Variants in HMGCLL1 observed in about 807,000 individuals in gnomAD.
HMGCLL1 encodes 3-hydroxymethyl-3-methylglutaryl-CoA lyase, cytoplasmic.
A neutral mutation model predicts 39.1 loss-of-function variants in HMGCLL1; 36 were observed. The observed-to-expected ratio is 0.92, with a 90% CI of 0.71 to 1.22. HMGCLL1 has a LOEUF of 1.22. Among genes scored for constraint, HMGCLL1 ranks in the 50% most tolerant of loss-of-function variants. The pLI is 0.00. For synonymous variants in HMGCLL1, 149 were observed against 144.0 expected, an observed-to-expected ratio of 1.03 and a Z score of -0.25; for missense variants, 451 against 416.5, an observed-to-expected ratio of 1.08 and a Z score of -0.72.
chr6:55,494,297 A>T (rs773755569), intron 7 of HMGCLL1, among the ~76,000 whole-genome samples: 2 of 151,616 alleles, frequency 1.3e-5, no homozygotes, highest in Non-Finnish European at 2.9e-5. Context: ...AATATAGAAG[A>T]TATATTCATA....
the HMGCLL1 span, among the ~76,000 whole-genome samples, chr6:55,601,211 G>A: frequency 3.3e-5 from 5 of 152,106 alleles, no homozygotes; most frequent in Admixed American, 6.6e-5. Context: ...GGATGGTGCT[G>A]CTCATTTGAG....
At chr6:55,480,306 G>GA (rs1472534619) in intron 7 of HMGCLL1, among the ~76,000 whole-genome samples, 3 of 151,202 alleles carry the variant, frequency 2.0e-5, no homozygotes, top group African/African-American at 7.3e-5. Flanking sequence ...ACCAAAAATG[G>GA]AAAAAAGATC....
In HMGCLL1 at chr6:55,461,189, T is replaced by C. The variant is rs545007076; in HGVS notation, c.796-21630A>G. On this transcript the variant is annotated intron_variant, in intron 7 of 8. Transcript: ENST00000274901. Reference sequence around the variant, plus strand: ...ATGATCTACTATTTATTTTTTTTAGTAATCTAGACCGTCATCTAAGGAAGT... The same window carrying C: ...ATGATCTACTATTTATTTTTTTTAGCAATCTAGACCGTCATCTAAGGAAGT... 7.9e-5 allele frequency among the ~76,000 whole-genome samples: 12 copies of C among 152,130 alleles called. No homozygotes were observed. In the South Asian group the frequency reaches 2.3e-3, roughly 29 times the overall value.
At chr6:55,638,028 T>C in the HMGCLL1 span, among the ~76,000 whole-genome samples, 1 of 152,052 alleles carries the variant, frequency 6.6e-6, no homozygotes, top group Non-Finnish European at 1.5e-5. Flanking sequence ...ACCCTAGAAT[T>C]TGATGCTATA....
chr6:55,544,885 T>A (rs1162540879), intron 1 of HMGCLL1, among the ~76,000 whole-genome samples: 1 of 152,158 alleles, frequency 6.6e-6, no homozygotes, highest in African/African-American at 2.4e-5. Flanking sequence ...AGTGGAGGGA[T>A]GAGAGGAAGG....
rs186130230 is a variant in HMGCLL1, at chr6:55,478,193, T to C, written c.795+17226A>G. On this transcript the variant is annotated intron_variant, in intron 7 of 8. Transcript: ENST00000274901. The stretch of plus-strand genomic sequence containing the variant: ...CTTTTTACAATAATCTCTTGTTACA[T>C]TTTGATCTCTGCTACATGTATAATA... Among the ~76,000 whole-genome samples the C allele has an allele frequency of 7.3e-5, 11 of 151,270 alleles. No homozygotes were observed. The East Asian group carries it at 2.1e-3, about 29-fold the overall frequency.
At chr6:55,533,569 G>A (rs1436825154) in intron 3 of HMGCLL1, among the ~76,000 whole-genome samples, 2 of 152,114 alleles carry the variant, frequency 1.3e-5, no homozygotes, top group Non-Finnish European at 2.9e-5. Context: ...AATGATGTGT[G>A]TATTCCAGAC....
chr6:55,519,179 A>G (rs780667890), intron 3 of HMGCLL1, among the ~76,000 whole-genome samples: 1 of 152,146 alleles, frequency 6.6e-6, no homozygotes, highest in Non-Finnish European at 1.5e-5. Flanking sequence ...GTGTTGAGAA[A>G]GGAGAAGACT....
At chr6:55,577,981 A>C (rs939202589) in intron 1 of HMGCLL1, among the ~76,000 whole-genome samples, 1 of 152,228 alleles carries the variant, frequency 6.6e-6, no homozygotes. Flanking sequence ...TTGCAATTTC[A>C]CATATGATAC....
At chr6:55,477,779 A>T (rs901106627) in intron 7 of HMGCLL1, among the ~76,000 whole-genome samples, 1 of 150,166 alleles carries the variant, frequency 6.7e-6, no homozygotes, top group Non-Finnish European at 1.5e-5. Context: ...CTTTTCTGTG[A>T]TGTTACATTT....
At chr6:55,532,828 A>C (rs1414841380) in intron 3 of HMGCLL1, among the ~76,000 whole-genome samples, 1 of 146,544 alleles carries the variant, frequency 6.8e-6, no homozygotes, top group Non-Finnish European at 1.5e-5. Flanking sequence ...TAATAATAAT[A>C]ATAATAATAA....
chr6:55,585,234 C>A, the HMGCLL1 span, among the ~76,000 whole-genome samples: 3 of 152,048 alleles, frequency 2.0e-5, no homozygotes, highest in African/African-American at 7.2e-5. Context: ...CAGAACAAAG[C>A]CATAAACCAC....
At chr6:55,477,149 T>A (rs1174590050) in intron 7 of HMGCLL1, among the ~76,000 whole-genome samples, 1 of 64,082 alleles carries the variant, frequency 1.6e-5, no homozygotes, top group African/African-American at 6.4e-5. Context: ...ATATAATATA[T>A]ATATTATATA....
chr6:55,484,244 T>C (rs1006163885), intron 7 of HMGCLL1, among the ~76,000 whole-genome samples: 1 of 152,050 alleles, frequency 6.6e-6, no homozygotes, highest in African/African-American at 2.4e-5. Context: ...CACCTCTTTC[T>C]TCTTGAAACC....
the HMGCLL1 span, among the ~76,000 whole-genome samples, chr6:55,634,373 A>T: frequency 6.7e-6 from 1 of 149,428 alleles, no homozygotes; most frequent in African/African-American, 2.5e-5. Context: ...CATGCACACT[A>T]TATGTCTTAA....
the HMGCLL1 span, among the ~76,000 whole-genome samples, chr6:55,635,504 T>A: frequency 1.3e-5 from 2 of 152,178 alleles, no homozygotes; most frequent in East Asian, 1.9e-4. Flanking sequence ...ATATGTATTA[T>A]ATTTAATATT....
At chr6:55,517,796 C>T (rs1367363046) in intron 3 of HMGCLL1, among the ~76,000 whole-genome samples, 2 of 152,042 alleles carry the variant, frequency 1.3e-5, no homozygotes, top group Admixed American at 6.6e-5. Context: ...ATCTGCATTA[C>T]TTATATGAGT....
chr6:55,508,516 T>C lies in HMGCLL1; in HGVS notation c.542+5532A>G, dbSNP rs1767278108. ...AGGTATTCTGTGTTCTAATTTCATATGAATAGTGTTTCTAAATAAAAGTAA... is the reference window on the plus strand; with the variant it reads ...AGGTATTCTGTGTTCTAATTTCATACGAATAGTGTTTCTAAATAAAAGTAA... On this transcript the variant is annotated intron_variant, in intron 5 of 8. Transcript: ENST00000274901. Among the ~76,000 whole-genome samples the C allele has an allele frequency of 3.3e-5, 5 of 151,810 alleles. No homozygotes were observed. The South Asian group carries it at 1.0e-3, about 31-fold the overall frequency.
At chr6:55,564,457 T>A (rs1581955289) in intron 1 of HMGCLL1, among the ~76,000 whole-genome samples, 2 of 152,190 alleles carry the variant, frequency 1.3e-5, no homozygotes, top group Admixed American at 1.3e-4. Context: ...TTGTTACATA[T>A]GTATACATGT....
Sources: gnomAD v4.1 joint callset for allele counts (sites outside exome capture counted in the v4.1 genomes callset) on GRCh38, gnomAD v4.1.1 for gene constraint, MANE v1.5 for transcripts, NCBI Gene and HGNC (gene_info 2026-07-23, HGNC 2026-07-21) for gene names.